Variants in SPECC1 observed in about 807,000 individuals in gnomAD.
The protein encoded by SPECC1 is sperm antigen with calponin homology and coiled-coil domains 1.
In SPECC1, 62 loss-of-function variants were observed where a neutral mutation model predicts 104.1. The ratio of observed to expected loss-of-function variants is 0.60; its 90% CI spans 0.49 to 0.74. SPECC1 has a LOEUF of 0.74. Among genes scored for constraint, SPECC1 ranks in the 30% least tolerant of loss-of-function variants. SPECC1 has a pLI of 0.00. For missense variants in SPECC1, 1,306 were observed against 1,310.5 expected (o/e 1.00, Z 0.05); for synonymous variants, 513 against 501.6 (o/e 1.02, Z -0.30).
chr17:20,048,195 G>A (rs1024686351), intron 1 of SPECC1, among the ~76,000 whole-genome samples: 9 of 150,304 alleles, frequency 6.0e-5, no homozygotes, highest in Non-Finnish European at 7.4e-5. Flanking sequence ...GTGCAGTGGC[G>A]TGATCTCGGC....
intron 3 of SPECC1, among the ~76,000 whole-genome samples, chr17:20,203,570 G>T (rs2036573360): frequency 6.6e-6 from 1 of 151,952 alleles, no homozygotes; most frequent in Non-Finnish European, 1.5e-5. Flanking sequence ...TTCCACTTAC[G>T]GCAAAAGTGA....
chr17:20,214,406 G>A (rs2037353840), intron 4 of SPECC1, among the ~76,000 whole-genome samples: 1 of 152,356 alleles, frequency 6.6e-6, no homozygotes, highest in East Asian at 1.9e-4. Flanking sequence ...CACATTTACT[G>A]TTGAGAAAGA....
At chr17:20,190,934 A>G (rs1174880778) in intron 3 of SPECC1, among the ~76,000 whole-genome samples, 1 of 151,690 alleles carries the variant, frequency 6.6e-6, no homozygotes, top group Non-Finnish European at 1.5e-5. Flanking sequence ...CAAAAGGACC[A>G]TAGTTTTACA....
At chr17:20,293,176 T>A (rs2141991345) in intron 12 of SPECC1, among the ~76,000 whole-genome samples, 1 of 152,012 alleles carries the variant, frequency 6.6e-6, no homozygotes, top group South Asian at 2.1e-4. Flanking sequence ...TCAAGAAATC[T>A]AGATAAAAAC....
intron 1 of SPECC1, chr17:20,056,341 C>T: frequency 5.3e-6 from 1 of 190,462 alleles, no homozygotes; most frequent in South Asian, 1.2e-4. Context: ...CCCGCAGAAG[C>T]CTGCACTGAA....
chr17:20,088,769 C>T (rs188110173), intron 1 of SPECC1, among the ~76,000 whole-genome samples: 17 of 152,162 alleles, frequency 1.1e-4, no homozygotes, highest in African/African-American at 3.6e-4. Flanking sequence ...TGTTGATGTA[C>T]CCCCCAAAAT....
intron 4 of SPECC1, among the ~76,000 whole-genome samples, chr17:20,216,988 T>TA (rs368927789): frequency 6.7e-6 from 1 of 150,334 alleles, no homozygotes; most frequent in Non-Finnish European, 1.5e-5. Flanking sequence ...CCCCATGTCT[T>TA]AAAAAAAAGA....
intron 3 of SPECC1, among the ~76,000 whole-genome samples, chr17:20,123,987 A>G (rs1238897991): frequency 6.6e-6 from 1 of 152,212 alleles, no homozygotes; most frequent in Non-Finnish European, 1.5e-5. Flanking sequence ...ACAGGGGCTG[A>G]AAGAAAACCA....
chr17:20,239,665 G>T (rs1449972423), intron 7 of SPECC1, among the ~76,000 whole-genome samples: 1 of 151,852 alleles, frequency 6.6e-6, no homozygotes, highest in Non-Finnish European at 1.5e-5. Flanking sequence ...TATAGAATGG[G>T]TTTTTCAAAA....
chr17:20,053,262 C>T (rs1405322045), intron 1 of SPECC1, among the ~76,000 whole-genome samples: 1 of 152,194 alleles, frequency 6.6e-6, no homozygotes, highest in African/African-American at 2.4e-5. Context: ...CCTTTCAATT[C>T]CTCCTTAATT....
rs927315141 is a variant in SPECC1, at chr17:20,227,368, A to AG, written c.1864-45_1864-44insG. ...TTCTAGTGTACAGATCACTGTGGGAATTTTTTTGTTGTTAACTGACCAAGG... is the reference window on the plus strand; with the variant it reads ...TTCTAGTGTACAGATCACTGTGGGAAGTTTTTTTGTTGTTAACTGACCAAGG... On this transcript the variant is annotated intron_variant, in intron 4 of 14. Transcript: ENST00000395527. The AG allele has an allele frequency of 8.3e-6, 13 of 1,568,000 alleles. No homozygotes were observed. In the African/African-American group the frequency reaches 1.6e-4, roughly 20 times the overall value.
chr17:20,253,738 T>G (rs553426535), intron 10 of SPECC1, 152 bp downstream of exon 10: 11 of 743,148 alleles, frequency 1.5e-5, no homozygotes, highest in Non-Finnish European at 2.4e-5. Flanking sequence ...TCATGAATGT[T>G]AGATGCAGCA....
Position 20,040,644 on chromosome 17 carries a change from G to T in SPECC1, c.-22+31220G>T, listed in dbSNP as rs755177045. Among the ~76,000 whole-genome samples the T allele has an allele frequency of 1.1e-3, 168 of 152,104 alleles. 1 individual carries two copies. Among genetic ancestry groups the T allele is most frequent in the Non-Finnish European group, 9.0e-4 (61 of 68,008 alleles). The stretch of plus-strand genomic sequence containing the variant: ...TTTCTTTCAGCACTTGAAAACCATT[G>T]TGTCATTTCCTTCTGGCTTCCTTAA... On this transcript the variant is annotated intron_variant, in intron 1 of 14. Coordinates refer to ENST00000395527, the MANE Select transcript of SPECC1 (RefSeq NM_001243439.2).
chr17:20,065,189 AATGT>A (rs1320346771), intron 1 of SPECC1, among the ~76,000 whole-genome samples: 2 of 152,120 alleles, frequency 1.3e-5, no homozygotes, highest in African/African-American at 4.8e-5. Flanking sequence ...TCTGTGACCA[AATGT>A]ATGGGGGTTT....
chr17:20,112,407 A>G, intron 3 of SPECC1: 1 of 762,944 alleles, frequency 1.3e-6, no homozygotes, highest in Non-Finnish European at 2.5e-6. Context: ...CCACCGGAGG[A>G]TCATTCACCA....
intron 13 of SPECC1, among the ~76,000 whole-genome samples, 195 bp downstream of exon 13, chr17:20,297,272 A>G (rs1221710906): frequency 6.6e-6 from 1 of 152,212 alleles, no homozygotes; most frequent in African/African-American, 2.4e-5. Flanking sequence ...TTCCCTTCTC[A>G]GGAATCTCAG....
intron 13 of SPECC1, among the ~76,000 whole-genome samples, chr17:20,299,955 TATCTGCACTGC>T (rs1196222484): frequency 1.3e-5 from 2 of 152,214 alleles, no homozygotes; most frequent in Non-Finnish European, 2.9e-5. Flanking sequence ...GAATGTTGTG[TATCTGCACTGC>T]CCACAGGGCA....
At chr17:20,031,301 T>G (rs1198437661) in intron 1 of SPECC1, among the ~76,000 whole-genome samples, 1 of 152,072 alleles carries the variant, frequency 6.6e-6, no homozygotes, top group African/African-American at 2.4e-5. Flanking sequence ...GCCTCCTGCT[T>G]AATCATTTTT....
chr17:20,171,681 A>G (rs2034103873), intron 3 of SPECC1, among the ~76,000 whole-genome samples: 1 of 151,996 alleles, frequency 6.6e-6, no homozygotes, highest in Non-Finnish European at 1.5e-5. Flanking sequence ...TCGGGTAGCT[A>G]GGACCACAGA....
Sources: gnomAD v4.1 joint callset for allele counts (sites outside exome capture counted in the v4.1 genomes callset) on GRCh38, gnomAD v4.1.1 for gene constraint, MANE v1.5 for transcripts, NCBI Gene and HGNC (gene_info 2026-07-23, HGNC 2026-07-21) for gene names.